TRRAP: variants seen among roughly 807,000 people sequenced by gnomAD.
The protein encoded by TRRAP is transformation/transcription domain-associated protein.
Under a neutral mutation model 438.8 loss-of-function variants are expected in TRRAP, and 41 were observed. The observed-to-expected ratio is 0.09, with a 90% confidence interval of 0.07 to 0.12. The LOEUF (loss-of-function observed/expected upper bound fraction) is 0.12, where lower values mean the gene tolerates loss of function less well. Ranked by LOEUF, TRRAP falls within the 10% of genes least tolerant of loss-of-function variation. TRRAP has a pLI of 1.00. For synonymous variants in TRRAP, 1,994 were observed against 1,962.9 expected (o/e 1.02, Z -0.42); for missense variants, 3,122 against 5,055.1 (o/e 0.62, Z 11.60).
chr7:98,886,417 T>G (rs954495623), intron 3 of TRRAP, among the ~76,000 whole-genome samples: 12 of 151,968 alleles, frequency 7.9e-5, no homozygotes, highest in East Asian at 1.9e-4. Flanking sequence ...TCTAGAGAGA[T>G]ATGGATATCT....
chr7:98,993,525 G>A lies in TRRAP; in HGVS notation c.9848-13G>A, dbSNP rs755531659. On this transcript the variant is annotated splice_polypyrimidine_tract_variant and intron_variant, in intron 65 of 72. Transcript: ENST00000456197. Reference sequence around the variant, plus strand: ...TTTTGCGCTGACACTGGCGTTGTGTGTGTTGCTCTCAGATTCTGGACAGCA... The same window carrying A: ...TTTTGCGCTGACACTGGCGTTGTGTATGTTGCTCTCAGATTCTGGACAGCA... 2.5e-6 allele frequency: 4 copies of A among 1,607,152 alleles called. No homozygotes were observed. In the African/African-American group the frequency reaches 5.3e-5, roughly 21 times the overall value.
intron 15 of TRRAP, 39 bp from the exon 16 acceptor site, chr7:98,910,471 T>C (rs1554408553): frequency 6.2e-7 from 1 of 1,613,376 alleles, no homozygotes; most frequent in Non-Finnish European, 8.5e-7. Context: ...ATAAAGTGAG[T>C]TTTATTCAAG....
At chr7:98,910,763 G>A (rs928623127) in intron 16 of TRRAP, among the ~76,000 whole-genome samples, 156 bp downstream of exon 16, 4 of 152,250 alleles carry the variant, frequency 2.6e-5, no homozygotes, top group South Asian at 4.1e-4. Context: ...ATAGCACTGC[G>A]TTTATGTGGG....
At chr7:98,884,674 T>C (rs988851491) in intron 3 of TRRAP, among the ~76,000 whole-genome samples, 1 of 152,206 alleles carries the variant, frequency 6.6e-6, no homozygotes, top group Admixed American at 6.5e-5. Flanking sequence ...TCTCTGGTGC[T>C]GTGCCCTGCA....
chr7:98,892,372 G>T, intron 4 of TRRAP, 52 bp from the exon 5 acceptor site: 2 of 1,439,020 alleles, frequency 1.4e-6, no homozygotes, highest in Non-Finnish European at 9.7e-7. Context: ...TAATTAATTT[G>T]GAACCCTTGG....
intron 53 of TRRAP, among the ~76,000 whole-genome samples, chr7:98,975,474 G>T (rs1025379784): frequency 1.7e-4 from 26 of 152,248 alleles, no homozygotes; most frequent in African/African-American, 6.0e-4. Flanking sequence ...AATAAGGAAT[G>T]TTGGCAGCTA....
At chr7:98,990,322 G>A (rs1375038475) in intron 63 of TRRAP, 133 bp from the exon 64 acceptor site, 21 of 800,390 alleles carry the variant, frequency 2.6e-5, no homozygotes, top group African/African-American at 1.0e-4. Context: ...AATAATGTTG[G>A]CCTGCTTATA....
Position 98,985,022 on chromosome 7 carries a change from A to G in TRRAP, c.9367A>G (p.Met3123Val). The stretch of plus-strand genomic sequence containing the variant: ...AGCCGAATTTTATGCACTGAAGGGA[A>G]TGTTCTTGGCTCAGATCAACAAGTA... ...MTAEFYALKG[M>V]FLAQINKSEE... Residue 3123 changes from methionine to valine, a missense_variant, in exon 62 of 73, where the codon ATG (methionine) becomes GTG (valine). Coordinates refer to ENST00000456197, the MANE Select transcript of TRRAP (RefSeq NM_001375524.1). 1 of 1,612,576 alleles carries G rather than the reference A, an allele frequency of 6.2e-7. No individual in the cohort carries two copies. The highest frequency in any genetic ancestry group is 8.5e-7 in the Non-Finnish European group (1 of 1,178,884).
At chr7:98,961,554 C>A in intron 46 of TRRAP, 80 bp downstream of exon 46, 1 of 1,517,018 alleles carries the variant, frequency 6.6e-7, no homozygotes, top group Non-Finnish European at 9.1e-7. Context: ...GCTTGTCCTC[C>A]AGTTATTGTG....
intron 67 of TRRAP, chr7:98,999,215 G>A (rs1380588194): frequency 7.6e-7 from 1 of 1,324,018 alleles, no homozygotes; most frequent in Non-Finnish European, 1.1e-6. Flanking sequence ...CAGTACACAG[G>A]CTTCACTCCA....
At chr7:98,925,377 G>T in intron 22 of TRRAP, 114 bp downstream of exon 22, 1 of 1,422,202 alleles carries the variant, frequency 7.0e-7, no homozygotes, top group Non-Finnish European at 9.5e-7. Flanking sequence ...AAGTCCAGCA[G>T]ATGCCATATT....
intron 51 of TRRAP, among the ~76,000 whole-genome samples, 198 bp from the exon 52 acceptor site, chr7:98,969,914 T>G (rs188265350): frequency 6.6e-6 from 1 of 152,176 alleles, no homozygotes; most frequent in African/African-American, 2.4e-5. Flanking sequence ...AGAGGTCTTC[T>G]GTATGTGGAC....
chr7:98,942,861 A>G, intron 30 of TRRAP, 88 bp from the exon 31 acceptor site: 1 of 1,436,440 alleles, frequency 7.0e-7, no homozygotes, highest in Non-Finnish European at 9.7e-7. Context: ...CACACTAAAC[A>G]CGATGGAAAT....
At chr7:98,899,612 C>T (rs1052076612) in intron 9 of TRRAP, 67 bp from the exon 10 acceptor site, 19 of 1,604,170 alleles carry the variant, frequency 1.2e-5, no homozygotes, top group East Asian at 4.5e-5. Context: ...GATGATTCTT[C>T]GGTATGCCAG....
Position 98,994,652 on chromosome 7 carries a change from G to T in TRRAP, c.10113G>T (p.Ala3371=), listed in dbSNP as rs200100865. ...CYSVAFEKSG[A]VSDAKITPHT... ...CCGTGGCGTTTGAGAAAAGTGGAGC[G>T]GTGTCCGATGCTAAAATCACCCCCC... The change falls in exon 67 of 73, where the codon GCG becomes GCT. Residue 3371 remains alanine, a synonymous_variant. Transcript: ENST00000456197. The surrounding 1 kb of genome is among the most constrained non-coding windows in gnomAD (Gnocchi z 4.8). 1 of 1,614,080 alleles carries T rather than the reference G, an allele frequency of 6.2e-7. No individual in the cohort carries two copies. Among genetic ancestry groups the T allele is most frequent in the Non-Finnish European group, 8.5e-7 (1 of 1,180,048 alleles).
chr7:98,930,336 A>G (rs1282698267), intron 24 of TRRAP, 130 bp downstream of exon 24: 15 of 1,206,896 alleles, frequency 1.2e-5, no homozygotes, highest in Non-Finnish European at 1.6e-5. Flanking sequence ...CAGCACTTTG[A>G]GAGGCCAAGG....
At chr7:98,936,553 C>A (rs1256839307) in intron 28 of TRRAP, among the ~76,000 whole-genome samples, 1 of 152,162 alleles carries the variant, frequency 6.6e-6, no homozygotes, top group Non-Finnish European at 1.5e-5. Flanking sequence ...AGTCTTAAAG[C>A]CTTTTACCCT....
chr7:98,946,862 G>A (rs1791105519), intron 33 of TRRAP, among the ~76,000 whole-genome samples: 2 of 152,224 alleles, frequency 1.3e-5, no homozygotes, highest in African/African-American at 4.8e-5. Flanking sequence ...AAAGCAGATT[G>A]TAAAAGTACC....
chr7:98,983,478 G>T lies in TRRAP; in HGVS notation c.9022+19G>T. ...TACCAGGGTAAACCGACCTGGTCCG[G>T]CATGCATTCATCATGTAATTTTCCA... On this transcript the variant is annotated intron_variant, in intron 60 of 72. Coordinates refer to ENST00000456197, the MANE Select transcript of TRRAP (RefSeq NM_001375524.1). The T allele has an allele frequency of 6.2e-7, 1 of 1,613,604 alleles. No individual in the cohort carries two copies. The highest frequency in any genetic ancestry group is 1.7e-5 in the Admixed American group (1 of 59,968).
Sources: allele counts gnomAD v4.1 joint callset (sites outside exome capture counted in the v4.1 genomes callset), GRCh38; gene constraint gnomAD v4.1.1; non-coding constraint Gnocchi (gnomAD v3.1); transcripts MANE v1.5; gene names NCBI Gene and HGNC (gene_info 2026-07-23, HGNC 2026-07-21).